The following APBB1IP variants were observed in gnomAD, a reference collection of about 807,000 sequenced individuals.
The protein encoded by APBB1IP is amyloid beta precursor protein binding family B member 1 interacting protein, also known as amyloid beta A4 precursor protein-binding family B member 1-interacting protein.
Under a neutral mutation model 64.9 loss-of-function variants are expected in APBB1IP, and 27 were observed. The observed-to-expected ratio is 0.42, with a 90% CI of 0.31 to 0.57. The LOEUF is 0.57. APBB1IP is among the 20% of genes least tolerant of loss of function. The pLI, the probability that APBB1IP is intolerant of heterozygous loss-of-function variation, is 0.20. For synonymous variants in APBB1IP, 392 were observed against 331.0 expected, an observed-to-expected ratio of 1.18 and a Z score of -2.00; for missense variants, 812 against 845.5, an observed-to-expected ratio of 0.96 and a Z score of 0.49.
intron 2 of APBB1IP, among the ~76,000 whole-genome samples, chr10:26,471,905 C>G (rs1835721165): frequency 6.6e-6 from 1 of 152,034 alleles, no homozygotes; most frequent in Admixed American, 6.6e-5. Context: ...AGATGGTCTC[C>G]ATCTCCTGAC....
chr10:26,518,202 C>G (rs902620506), intron 8 of APBB1IP, among the ~76,000 whole-genome samples: 2 of 150,910 alleles, frequency 1.3e-5, no homozygotes, highest in Non-Finnish European at 1.5e-5. Context: ...ATCTGCCTGC[C>G]TCAGCCTCCC....
At chr10:26,471,668 A>G (rs1005831172) in intron 2 of APBB1IP, among the ~76,000 whole-genome samples, 1 of 151,880 alleles carries the variant, frequency 6.6e-6, no homozygotes, top group Non-Finnish European at 1.5e-5. Context: ...GCACCTTGGG[A>G]CCTGCACTGT....
rs1222190976 is a variant in APBB1IP at position 26,476,062 on chromosome 10, CT to C, written c.1-16249del. On this transcript the variant is annotated intron_variant, in intron 2 of 14. Transcript: ENST00000376236. ...GGGCAAGATGCTGTCTTTATAAAAA[CT>C]TTTTTTTTTTTTTTTGAGAGAGTCT... 4.0e-3 allele frequency among the ~76,000 whole-genome samples: 561 copies of C among 139,998 alleles called. 2 individuals are homozygous for C. Among genetic ancestry groups the C allele is most frequent in the Middle Eastern group, 0.011 (3 of 274 alleles). The allele number at this position is 139,998 out of a possible 152,430, so 91.8% of individuals were successfully genotyped here.
chr10:26,516,560 A>AAAAAAAAAAAAAAT, intron 8 of APBB1IP, among the ~76,000 whole-genome samples: 1 of 149,970 alleles, frequency 6.7e-6, no homozygotes, highest in Non-Finnish European at 1.5e-5. Context: ...AAAAAAAAAA[A>AAAAAAAAAAAAAAT]AGTAAAGCGG....
At chr10:26,536,003 T>C (rs2132465212) in intron 9 of APBB1IP, 71 bp from the exon 10 acceptor site, 1 of 1,485,296 alleles carries the variant, frequency 6.7e-7, no homozygotes, top group Non-Finnish European at 9.0e-7. Flanking sequence ...ATTTGTAAGT[T>C]TTTAAATGTG....
At chr10:26,542,509 T>TATTAC (rs1438911119) in intron 11 of APBB1IP, among the ~76,000 whole-genome samples, 3 of 152,230 alleles carry the variant, frequency 2.0e-5, no homozygotes, top group Non-Finnish European at 4.4e-5. Context: ...GGAGATGGGT[T>TATTAC]ATTACAACCA....
At chr10:26,476,463 A>AAAG (rs1225649890) in intron 2 of APBB1IP, among the ~76,000 whole-genome samples, 33 of 149,340 alleles carry the variant, frequency 2.2e-4, no homozygotes, top group African/African-American at 3.5e-4. Flanking sequence ...AAAAAAAAAA[A>AAAG]AAGAAGAAAA....
At chr10:26,562,178 GTTTT>G in intron 13 of APBB1IP, 144 bp from the exon 14 acceptor site, 1 of 635,250 alleles carries the variant, frequency 1.6e-6, no homozygotes, top group Non-Finnish European at 2.8e-6. Context: ...TCTTTGCTTT[GTTTT>G]TATTTTTGTT....
intron 2 of APBB1IP, among the ~76,000 whole-genome samples, chr10:26,472,877 CA>C (rs1319769493): frequency 5.3e-5 from 8 of 150,410 alleles, no homozygotes; most frequent in African/African-American, 1.7e-4. Context: ...GCAGAGGTTG[CA>C]GTGAGCTGAT....
At chr10:26,459,963 T>C (rs548323959) in intron 2 of APBB1IP, among the ~76,000 whole-genome samples, 2 of 152,310 alleles carry the variant, frequency 1.3e-5, no homozygotes, top group South Asian at 4.1e-4. Context: ...GTAAGCCAAA[T>C]TTTTACTATT....
At chr10:26,515,038 A>ATTT (rs10668002) in intron 8 of APBB1IP, among the ~76,000 whole-genome samples, 4,712 of 132,962 alleles carry the variant, frequency 0.035, 134 homozygotes, top group Middle Eastern at 0.056. Context: ...CCCCCGGCTA[A>ATTT]TTTTTTTTTT....
At chr10:26,560,658 G>A in intron 12 of APBB1IP, 72 bp from the exon 13 acceptor site, 1 of 1,043,310 alleles carries the variant, frequency 9.6e-7, no homozygotes, top group South Asian at 1.6e-5. Context: ...TTCTGTATAT[G>A]TATATTGCAA....
At position 26,510,734 on chromosome 10, in the gene APBB1IP, T is replaced by TCTCTCACACA. The variant is rs375916170; in HGVS notation, c.532-1012_532-1011insTCTCACACAC. ...CTAGGCAACAGAGCAAGACCCTGTC[T>TCTCTCACACA]CACACACACACACACACACACACAC... On this transcript the variant is annotated intron_variant, in intron 6 of 14. Coordinates refer to ENST00000376236, the MANE Select transcript of APBB1IP (RefSeq NM_019043.4). Among the ~76,000 whole-genome samples, 23 of 135,984 alleles carry TCTCTCACACA rather than the reference T, an allele frequency of 1.7e-4. No homozygotes were observed. In the East Asian group the frequency reaches 3.7e-3, roughly 22 times the overall value. The allele number at this position is 135,984 out of a possible 152,430, so 89.2% of individuals were successfully genotyped here.
chr10:26,477,551 T>C (rs1835789656), intron 2 of APBB1IP, among the ~76,000 whole-genome samples: 3 of 152,240 alleles, frequency 2.0e-5, no homozygotes, highest in Admixed American at 1.3e-4. Flanking sequence ...GTTGTAGAAT[T>C]ATGTCTTTTG....
At chr10:26,492,304 A>T (rs1179794788) in intron 2 of APBB1IP, 23 bp from the exon 3 acceptor site, 1 of 1,608,162 alleles carries the variant, frequency 6.2e-7, no homozygotes, top group Non-Finnish European at 8.5e-7. Flanking sequence ...GACTGCTAAT[A>T]TCTCAGTTTC....
At chr10:26,473,999 CAAAA>C (rs35712977) in intron 2 of APBB1IP, among the ~76,000 whole-genome samples, 1 of 67,364 alleles carries the variant, frequency 1.5e-5, no homozygotes, top group African/African-American at 5.6e-5. Flanking sequence ...CACCCTGTCT[CAAAA>C]AAAAAAAAAA....
chr10:26,488,331 G>A (rs1835917413), intron 2 of APBB1IP, among the ~76,000 whole-genome samples: 1 of 151,946 alleles, frequency 6.6e-6, no homozygotes, highest in Non-Finnish European at 1.5e-5. Context: ...GACCTCCTGG[G>A]CTCAAGCCAT....
chr10:26,439,821 T>C (rs752292879), intron 2 of APBB1IP, among the ~76,000 whole-genome samples: 1 of 152,214 alleles, frequency 6.6e-6, no homozygotes, highest in Non-Finnish European at 1.5e-5. Flanking sequence ...CGGTACTAGC[T>C]ACTATTCATT....
intron 2 of APBB1IP, among the ~76,000 whole-genome samples, chr10:26,471,919 A>G (rs1835721316): frequency 1.3e-5 from 2 of 152,048 alleles, no homozygotes; most frequent in Non-Finnish European, 2.9e-5. Flanking sequence ...TCCTGACCTC[A>G]TGATCCGCCC....
Sources: allele counts gnomAD v4.1 joint callset (sites outside exome capture counted in the v4.1 genomes callset), GRCh38; gene constraint gnomAD v4.1.1; transcripts MANE v1.5; gene names NCBI Gene and HGNC (gene_info 2026-07-23, HGNC 2026-07-21).